Variants in OPCML observed in about 807,000 individuals in gnomAD.
OPCML encodes the protein opioid binding protein/cell adhesion molecule like, also known as opioid-binding protein/cell adhesion molecule.
A neutral mutation model predicts 37.8 loss-of-function variants in OPCML; 13 were observed. That is an observed-to-expected ratio of 0.34 (90% CI 0.22 to 0.55). The LOEUF (loss-of-function observed/expected upper bound fraction) is 0.55, where lower values mean the gene tolerates loss of function less well. Ranked by LOEUF, OPCML falls within the 20% of genes least tolerant of loss-of-function variation. OPCML has a pLI of 0.91. For missense variants in OPCML, 341 were observed against 435.6 expected (o/e 0.78, Z 1.93); for synonymous variants, 176 against 168.8 (o/e 1.04, Z -0.33).
chr11:133,170,588 C>A (rs1950275862), intron 1 of OPCML, among the ~76,000 whole-genome samples: 1 of 152,022 alleles, frequency 6.6e-6, no homozygotes, highest in Non-Finnish European at 1.5e-5. Context: ...GGGTTAGCTT[C>A]TCCAGATTCA....
intron 2 of OPCML, among the ~76,000 whole-genome samples, chr11:132,835,354 G>T (rs1274388985): frequency 6.6e-6 from 1 of 152,220 alleles, no homozygotes; most frequent in African/African-American, 2.4e-5. Flanking sequence ...AAAGTGGAAA[G>T]AATTGCATTC....
At chr11:133,258,109 G>A (rs1365612718) in intron 1 of OPCML, among the ~76,000 whole-genome samples, 2 of 152,134 alleles carry the variant, frequency 1.3e-5, no homozygotes, top group Non-Finnish European at 2.9e-5. Flanking sequence ...ATAGTGACAT[G>A]TCCTGGACCT....
chr11:133,097,838 C>A (rs1054709837), intron 1 of OPCML, among the ~76,000 whole-genome samples: 4 of 152,102 alleles, frequency 2.6e-5, no homozygotes, highest in African/African-American at 9.7e-5. Context: ...TCTGAATAGT[C>A]CCATGTTGAC....
At chr11:133,521,046 G>A (rs1340661993) in intron 1 of OPCML, among the ~76,000 whole-genome samples, 1 of 152,204 alleles carries the variant, frequency 6.6e-6, no homozygotes, top group Non-Finnish European at 1.5e-5. Context: ...TAGCCAGAGA[G>A]AGAGGAAGTC....
At chr11:133,002,721 AAG>A (rs899318056) in intron 1 of OPCML, among the ~76,000 whole-genome samples, 4 of 151,738 alleles carry the variant, frequency 2.6e-5, no homozygotes, top group African/African-American at 9.7e-5. Context: ...TATAGGGAGA[AAG>A]AGAGGAGGGA....
rs940962478 is a variant in OPCML at position 133,098,797 on chromosome 11, C to A, written c.62-155787G>T. ...GTTTCCTCTCACCACTGCTTTTCAT[C>A]CTTGTATTGGAAATTCTAACCAACA... On this transcript the variant is annotated intron_variant, in intron 1 of 7. Coordinates refer to ENST00000524381, the MANE Select transcript of OPCML (RefSeq NM_001012393.5). 5.3e-5 allele frequency among the ~76,000 whole-genome samples: 8 copies of A among 152,074 alleles called. No homozygotes were observed. In the East Asian group the frequency reaches 1.3e-3, roughly 26 times the overall value.
At chr11:133,289,353 TG>T (rs1942395890) in intron 1 of OPCML, among the ~76,000 whole-genome samples, 1 of 152,000 alleles carries the variant, frequency 6.6e-6, no homozygotes, top group African/African-American at 2.4e-5. Flanking sequence ...CCCAGCACTT[TG>T]GGAGGCCGAG....
chr11:132,472,356 T>A (rs1205073593), intron 4 of OPCML, among the ~76,000 whole-genome samples: 1 of 152,206 alleles, frequency 6.6e-6, no homozygotes, highest in African/African-American at 2.4e-5. Flanking sequence ...AGTTTGTGTC[T>A]ATTCAGGAGA....
At chr11:133,035,382 A>G (rs936641439) in intron 1 of OPCML, among the ~76,000 whole-genome samples, 4 of 152,176 alleles carry the variant, frequency 2.6e-5, no homozygotes, top group Non-Finnish European at 5.9e-5. Context: ...GAAAGAGAAA[A>G]TGGGACCTAC....
At chr11:133,381,206 C>T (rs1944921364) in intron 1 of OPCML, among the ~76,000 whole-genome samples, 2 of 152,104 alleles carry the variant, frequency 1.3e-5, no homozygotes, top group South Asian at 4.1e-4. Context: ...GAAGACTTTG[C>T]AGTGATGCAA....
intron 2 of OPCML, among the ~76,000 whole-genome samples, chr11:132,880,622 A>C (rs1943191707): frequency 6.6e-6 from 1 of 152,254 alleles, no homozygotes; most frequent in Admixed American, 6.5e-5. Flanking sequence ...AAAAAAACTC[A>C]ATTAAAACGT....
At chr11:133,018,903 C>G (rs1947393273) in intron 1 of OPCML, among the ~76,000 whole-genome samples, 1 of 152,224 alleles carries the variant, frequency 6.6e-6, no homozygotes, top group African/African-American at 2.4e-5. Flanking sequence ...TGTGCCGCTC[C>G]CATGAGCCAC....
At chr11:132,633,320 A>G (rs991759870) in intron 3 of OPCML, among the ~76,000 whole-genome samples, 3 of 152,048 alleles carry the variant, frequency 2.0e-5, no homozygotes, top group Non-Finnish European at 2.9e-5. Context: ...CTCCTGCCTC[A>G]GCCTCCCGAG....
At chr11:132,579,712 A>T (rs949663671) in intron 3 of OPCML, among the ~76,000 whole-genome samples, 4 of 152,134 alleles carry the variant, frequency 2.6e-5, no homozygotes, top group Admixed American at 1.3e-4. Flanking sequence ...GTTCTGAGAA[A>T]GACGATCGAG....
chr11:133,169,090 T>C (rs189756870), intron 1 of OPCML, among the ~76,000 whole-genome samples: 188 of 152,210 alleles, frequency 1.2e-3, no homozygotes, highest in African/African-American at 1.8e-3. Flanking sequence ...GATCGCGCCA[T>C]TGCACTCCAG....
At chr11:133,025,049 G>A in intron 1 of OPCML, 1 of 951,392 alleles carries the variant, frequency 1.1e-6, no homozygotes, top group Non-Finnish European at 1.3e-6. Flanking sequence ...CTAGGCTGAT[G>A]TGCTGAGGTA....
At chr11:132,606,215 G>A (rs925192177) in intron 3 of OPCML, among the ~76,000 whole-genome samples, 1 of 152,072 alleles carries the variant, frequency 6.6e-6, no homozygotes, top group African/African-American at 2.4e-5. Flanking sequence ...TTGTGCCTTC[G>A]TAAATCCATC....
At chr11:132,456,016 T>G (rs1272095002) in intron 4 of OPCML, among the ~76,000 whole-genome samples, 1 of 152,162 alleles carries the variant, frequency 6.6e-6, no homozygotes, top group Non-Finnish European at 1.5e-5. Context: ...ATTTTGGGGT[T>G]GGGGTAGAGG....
At chr11:132,477,236 T>C (rs1368099537) in intron 4 of OPCML, among the ~76,000 whole-genome samples, 1 of 152,216 alleles carries the variant, frequency 6.6e-6, no homozygotes, top group East Asian at 1.9e-4. Context: ...TCAAGCTCCC[T>C]GGCCCACAAC....
Sources: allele counts gnomAD v4.1 joint callset (sites outside exome capture counted in the v4.1 genomes callset), GRCh38; gene constraint gnomAD v4.1.1; transcripts MANE v1.5; gene names NCBI Gene and HGNC (gene_info 2026-07-23, HGNC 2026-07-21).